The following MAP1B variants were observed in gnomAD, a reference collection of about 807,000 sequenced individuals.
MAP1B encodes the protein microtubule associated protein 1B.
MAP1B carries 12 observed loss-of-function variants against 176.1 expected under a neutral mutation model. That is an observed-to-expected ratio of 0.07 (90% confidence interval 0.04 to 0.11). MAP1B has a LOEUF of 0.11. Ranked by LOEUF, MAP1B falls within the 10% of genes least tolerant of loss-of-function variation. The probability of loss-of-function intolerance (pLI) is 1.00; values close to 1 mark genes in which losing one functional copy is unlikely to be tolerated. For synonymous variants in MAP1B, 1,044 were observed against 1,135.0 expected (o/e 0.92, Z 1.61); for missense variants, 2,523 against 2,990.5 (o/e 0.84, Z 3.65).
In MAP1B at chr5:72,204,715, C is replaced by G. The variant is rs967125761; in HGVS notation, c.7252-369C>G. 6.6e-6 allele frequency among the ~76,000 whole-genome samples: 1 copy of G among 152,042 alleles called. No individual in the cohort carries two copies. The highest frequency in any genetic ancestry group is 2.1e-4 in the South Asian group (1 of 4,828). On this transcript the variant is annotated intron_variant, in intron 6 of 6. Transcript: ENST00000296755. This position sits in a 1 kb window ranked among gnomAD's most constrained non-coding sequence, Gnocchi z 4.4. ...GTGGGCTTTTGAGGGCTTTGAAGTG[C>G]GCGATAAAATCCTTGGATTAAATAT... is the stretch of plus-strand genomic sequence containing the variant.
chr5:72,121,610 C>T (rs1745531562), intron 2 of MAP1B, among the ~76,000 whole-genome samples: 1 of 152,212 alleles, frequency 6.6e-6, no homozygotes, highest in Non-Finnish European at 1.5e-5. Context: ...TCATGCGAAT[C>T]TTCTCCCTTT....
chr5:72,175,359 T>C (rs951277403), intron 2 of MAP1B, among the ~76,000 whole-genome samples: 2 of 152,124 alleles, frequency 1.3e-5, no homozygotes, highest in Non-Finnish European at 2.9e-5. Context: ...GCCTTTTTTA[T>C]TTTTATTTTT....
rs867996761 is a variant in MAP1B, at chr5:72,128,957, C to T, written c.286+13158C>T. Among the ~76,000 whole-genome samples, 50 of 152,220 alleles carry T rather than the reference C, an allele frequency of 3.3e-4. No homozygotes were observed. In the Middle Eastern group the frequency reaches 0.014, roughly 41 times the overall value. Reference sequence around the variant, plus strand: ...GTGAGCCACTGCATTTGGCTGAAAACGTAATTTTTTAAATAGACAATTGCC... The same window carrying T: ...GTGAGCCACTGCATTTGGCTGAAAATGTAATTTTTTAAATAGACAATTGCC... On this transcript the variant is annotated intron_variant, in intron 2 of 6. Transcript: ENST00000296755.
At chr5:72,152,213 GT>G (rs1057386150) in intron 2 of MAP1B, among the ~76,000 whole-genome samples, 2 of 151,358 alleles carry the variant, frequency 1.3e-5, no homozygotes, top group Admixed American at 6.6e-5. Context: ...CTATGGATAT[GT>G]TTTTTTTTAC....
chr5:72,114,931 C>A (rs1745406350), intron 1 of MAP1B, among the ~76,000 whole-genome samples: 1 of 152,184 alleles, frequency 6.6e-6, no homozygotes, highest in Non-Finnish European at 1.5e-5. Flanking sequence ...ATGTCCCCAA[C>A]TCCATAAATG....
rs1245836314 is a variant in MAP1B, at chr5:72,186,452, C to G, written c.370-162C>G. Among the ~76,000 whole-genome samples, 2 of 152,218 alleles carry G rather than the reference C, an allele frequency of 1.3e-5. No homozygotes were observed. The highest frequency in any genetic ancestry group is 4.8e-5 in the African/African-American group (2 of 41,458). On this transcript the variant is annotated intron_variant, in intron 3 of 6. Coordinates refer to ENST00000296755, the MANE Select transcript of MAP1B (RefSeq NM_005909.5). This position sits in a 1 kb window ranked among gnomAD's most constrained non-coding sequence, Gnocchi z 4.3. ...ATCCTACAGCCAGGGATCCATTCAA[C>G]CCTCCCGTGCTCTTCTGGCCTCCAG...
chr5:72,199,471 C>T lies in MAP1B; in HGVS notation c.6116C>T (p.Thr2039Ile). 6.2e-7 allele frequency: 1 copy of T among 1,614,160 alleles called. No homozygotes were observed. The highest frequency in any genetic ancestry group is 1.1e-5 in the South Asian group (1 of 91,068). ...TKTTRTPDTS[T>I]YCYETAEKIT... is the part of the protein sequence containing the mutation. Reference sequence around the variant, plus strand: ...ACAACACGAACCCCTGATACTTCCACATACTGTTACGAGACTGCAGAGAAA... The same window carrying T: ...ACAACACGAACCCCTGATACTTCCATATACTGTTACGAGACTGCAGAGAAA... Residue 2039 changes from threonine to isoleucine, a missense_variant, in exon 5 of 7, where the codon ACA becomes ATA. Physicochemically the swap from Thr to Ile is moderately conservative, Grantham distance 89. Coordinates refer to ENST00000296755, the MANE Select transcript of MAP1B (RefSeq NM_005909.5). The surrounding 1 kb of genome is among the most constrained non-coding windows in gnomAD (Gnocchi z 4.2).
At chr5:72,182,887 G>A (rs1209800482) in intron 2 of MAP1B, among the ~76,000 whole-genome samples, 1 of 152,150 alleles carries the variant, frequency 6.6e-6, no homozygotes, top group Non-Finnish European at 1.5e-5. Flanking sequence ...CCACACATCT[G>A]CCTGATCATT....
intron 5 of MAP1B, among the ~76,000 whole-genome samples, chr5:72,200,758 C>T (rs967886603): frequency 2.0e-5 from 3 of 152,104 alleles, no homozygotes; most frequent in African/African-American, 7.2e-5. Flanking sequence ...CTCCCAAAGG[C>T]CTAAGGAGAA....
At chr5:72,202,831 G>A (rs1747359866) in intron 5 of MAP1B, among the ~76,000 whole-genome samples, 2 of 152,208 alleles carry the variant, frequency 1.3e-5, no homozygotes, top group Admixed American at 1.3e-4. Context: ...TGATTTGACT[G>A]GGGGTTTTGG....
At chr5:72,153,491 T>C (rs1253609512) in intron 2 of MAP1B, among the ~76,000 whole-genome samples, 1 of 151,738 alleles carries the variant, frequency 6.6e-6, no homozygotes, top group Non-Finnish European at 1.5e-5. Context: ...TTACTCAAAG[T>C]TAATTGAAGA....
intron 2 of MAP1B, among the ~76,000 whole-genome samples, chr5:72,140,486 T>C (rs879741778): frequency 6.6e-6 from 1 of 152,198 alleles, no homozygotes; most frequent in Non-Finnish European, 1.5e-5. Context: ...AACACTGGTA[T>C]AGAGGTTTTT....
chr5:72,173,770 A>G (rs1355760283), intron 2 of MAP1B, among the ~76,000 whole-genome samples: 3 of 152,188 alleles, frequency 2.0e-5, no homozygotes, highest in African/African-American at 7.2e-5. Flanking sequence ...ACTTAAAACA[A>G]TCTGAGAAGC....
chr5:72,125,026 G>A (rs770048629), intron 2 of MAP1B, among the ~76,000 whole-genome samples: 1 of 152,194 alleles, frequency 6.6e-6, no homozygotes, highest in Non-Finnish European at 1.5e-5. Flanking sequence ...GAGCCATTTT[G>A]AGCAGTTGTC....
At chr5:72,165,868 G>A (rs1746418273) in intron 2 of MAP1B, among the ~76,000 whole-genome samples, 1 of 152,278 alleles carries the variant, frequency 6.6e-6, no homozygotes, top group Middle Eastern at 3.4e-3. Context: ...TATGTGCTGT[G>A]ACAGAGCAAG....
chr5:72,139,774 A>T (rs1412813829), intron 2 of MAP1B, among the ~76,000 whole-genome samples: 1 of 152,210 alleles, frequency 6.6e-6, no homozygotes, highest in Non-Finnish European at 1.5e-5. Flanking sequence ...TAAAAATCTA[A>T]GTTTGAAATT....
intron 1 of MAP1B, among the ~76,000 whole-genome samples, chr5:72,109,120 T>C (rs543348036): frequency 7.7e-4 from 117 of 152,268 alleles, no homozygotes; most frequent in African/African-American, 2.1e-3. Flanking sequence ...GTCATCTGCC[T>C]CTGCAGTTGG....
chr5:72,202,518 A>G (rs1054556014), intron 5 of MAP1B, among the ~76,000 whole-genome samples: 5 of 152,218 alleles, frequency 3.3e-5, no homozygotes, highest in Non-Finnish European at 4.4e-5. Flanking sequence ...TAAATATCCT[A>G]TGGAGAAAGA....
At chr5:72,176,209 A>C (rs549278985) in intron 2 of MAP1B, among the ~76,000 whole-genome samples, 1 of 151,910 alleles carries the variant, frequency 6.6e-6, no homozygotes, top group African/African-American at 2.4e-5. Context: ...ACGTGTGTGC[A>C]CGCACACACT....
Sources: allele counts gnomAD v4.1 joint callset (sites outside exome capture counted in the v4.1 genomes callset), GRCh38; gene constraint gnomAD v4.1.1; non-coding constraint Gnocchi (gnomAD v3.1); transcripts MANE v1.5; gene names NCBI Gene and HGNC (gene_info 2026-07-23, HGNC 2026-07-21).